The following UBE2E1 variants were observed in gnomAD, a reference collection of about 807,000 sequenced individuals.
The protein encoded by UBE2E1 is ubiquitin-conjugating enzyme E2 E1.
Under a neutral mutation model 21.4 loss-of-function variants are expected in UBE2E1, and 6 were observed. The ratio of observed to expected loss-of-function variants is 0.28; its 90% CI spans 0.15 to 0.55. The LOEUF is 0.55. UBE2E1 is among the 20% of genes least tolerant of loss of function. UBE2E1 has a pLI of 0.93. For synonymous variants in UBE2E1, 87 were observed against 82.7 expected (o/e 1.05, Z -0.28); for missense variants, 142 against 236.5 (o/e 0.60, Z 2.62).
At chr3:23,846,189 A>T (rs1700198771) in intron 3 of UBE2E1, among the ~76,000 whole-genome samples, 1 of 152,270 alleles carries the variant, frequency 6.6e-6, no homozygotes, top group Non-Finnish European at 1.5e-5. Flanking sequence ...AATTAAATAA[A>T]TGTCTTACAT....
chr3:23,864,253 C>A, intron 3 of UBE2E1, among the ~76,000 whole-genome samples: 1 of 149,908 alleles, frequency 6.7e-6, no homozygotes, highest in East Asian at 1.9e-4. Context: ...TTACACATTA[C>A]TTTTTTTTTT....
At chr3:23,868,677 A>C (rs1306215963) in intron 3 of UBE2E1, among the ~76,000 whole-genome samples, 1 of 149,014 alleles carries the variant, frequency 6.7e-6, no homozygotes, top group Non-Finnish European at 1.5e-5. Context: ...TTCTACCTTT[A>C]TTTTGTCCTT....
At chr3:23,861,300 T>C (rs919828836) in intron 3 of UBE2E1, among the ~76,000 whole-genome samples, 7 of 152,246 alleles carry the variant, frequency 4.6e-5, no homozygotes, top group African/African-American at 1.7e-4. Context: ...GCTTCACTTA[T>C]TGAAGGCTCT....
intron 3 of UBE2E1, among the ~76,000 whole-genome samples, chr3:23,850,008 A>G (rs146166140): frequency 2.6e-5 from 4 of 152,354 alleles, no homozygotes; most frequent in African/African-American, 9.6e-5. Context: ...TCTAATAGCA[A>G]TGATGTTGAA....
chr3:23,867,207 T>C (rs1016470757), intron 3 of UBE2E1, among the ~76,000 whole-genome samples: 2 of 152,194 alleles, frequency 1.3e-5, no homozygotes, highest in Non-Finnish European at 2.9e-5. Context: ...GATTCAAAGA[T>C]TCTAGGCAAA....
At chr3:23,819,990 T>C (rs1239569512) in intron 3 of UBE2E1, among the ~76,000 whole-genome samples, 1 of 152,230 alleles carries the variant, frequency 6.6e-6, no homozygotes, top group African/African-American at 2.4e-5. Flanking sequence ...GGTAACCTTA[T>C]TATAAAGTTA....
At chr3:23,874,395 AT>A (rs973974396) in intron 3 of UBE2E1, among the ~76,000 whole-genome samples, 42 of 152,318 alleles carry the variant, frequency 2.8e-4, no homozygotes, top group Admixed American at 5.2e-4. Flanking sequence ...ACTCTCACTT[AT>A]GCACAATATA....
rs1022081449 is a variant in UBE2E1 at position 23,810,358 on chromosome 3, G to T, written c.153-1102G>T. ...CAAAGGCCAGGGCTTGGTGTGAACT[G>T]CCTGGTGGCTTCGGCCTATGAGTGG... On this transcript the variant is annotated intron_variant, in intron 2 of 5. Transcript: ENST00000306627. This position sits in a 1 kb window ranked among gnomAD's most constrained non-coding sequence, Gnocchi z 5.8. 7.1e-7 allele frequency: 1 copy of T among 1,406,798 alleles called. No individual in the cohort carries two copies. The highest frequency in any genetic ancestry group is 2.5e-5 in the East Asian group (1 of 39,838). 87.1% of individuals were successfully genotyped at this position (1,406,798 alleles called of 1,614,324 possible). A position where few individuals can be genotyped will look rare whatever the true frequency, so the allele number is the denominator to read the frequency against.
chr3:23,818,879 TC>T (rs1225106290), intron 3 of UBE2E1, among the ~76,000 whole-genome samples: 1 of 152,072 alleles, frequency 6.6e-6, no homozygotes, highest in Non-Finnish European at 1.5e-5. Context: ...GTTGCAAAAG[TC>T]CCTAGAGGGA....
chr3:23,832,158 T>C (rs1168878164), intron 3 of UBE2E1, among the ~76,000 whole-genome samples: 2 of 152,244 alleles, frequency 1.3e-5, no homozygotes, highest in Non-Finnish European at 2.9e-5. Context: ...CTCAAACTTT[T>C]GCTGTGAATG....
intron 3 of UBE2E1, among the ~76,000 whole-genome samples, chr3:23,860,631 A>G (rs1026067823): frequency 3.9e-5 from 6 of 152,220 alleles, no homozygotes; most frequent in African/African-American, 1.4e-4. Flanking sequence ...CAACCAACGT[A>G]TCAAGTGAAC....
At chr3:23,807,602 A>G (rs916877592) in intron 2 of UBE2E1, 181 bp downstream of exon 2, 24 of 672,024 alleles carry the variant, frequency 3.6e-5, no homozygotes, top group Non-Finnish European at 5.1e-5. Flanking sequence ...TTTTTAAATC[A>G]TTGCTCACAT....
chr3:23,852,921 T>TG lies in UBE2E1; in HGVS notation c.204-34646_204-34645insG, dbSNP rs113479403. Among the ~76,000 whole-genome samples the TG allele has an allele frequency of 6.0e-3, 918 of 152,072 alleles. 19 individuals are homozygous for TG. The highest frequency in any genetic ancestry group is 0.052 in the East Asian group (270 of 5,164). On this transcript the variant is annotated intron_variant, in intron 3 of 5. Transcript: ENST00000306627. ...TGCCCAGCCTTATTTTGTTTTGTTT[T>TG]TTTTTTTGTTTTGAGATGGAGTTTC...
chr3:23,824,788 G>A (rs1559477791), intron 3 of UBE2E1, among the ~76,000 whole-genome samples: 1 of 151,990 alleles, frequency 6.6e-6, no homozygotes, highest in African/African-American at 2.4e-5. Flanking sequence ...CTCCCATTCT[G>A]GTGTGCTTCC....
At chr3:23,858,552 T>C (rs1175095751) in intron 3 of UBE2E1, among the ~76,000 whole-genome samples, 2 of 152,170 alleles carry the variant, frequency 1.3e-5, no homozygotes, top group Admixed American at 6.5e-5. Flanking sequence ...ACTCCTGACC[T>C]CAGATGATCC....
intron 3 of UBE2E1, among the ~76,000 whole-genome samples, chr3:23,856,282 C>A (rs907132809): frequency 6.6e-6 from 1 of 152,180 alleles, no homozygotes. Flanking sequence ...CCCACCTTGG[C>A]CTCCCAAAAT....
At chr3:23,881,595 A>G (rs967387379) in intron 3 of UBE2E1, among the ~76,000 whole-genome samples, 2 of 152,228 alleles carry the variant, frequency 1.3e-5, no homozygotes, top group East Asian at 3.8e-4. Context: ...CATGTTACAC[A>G]AAACTGAGAT....
chr3:23,882,387 C>T lies in UBE2E1; in HGVS notation c.204-5180C>T, dbSNP rs1365058262. 3.9e-5 allele frequency among the ~76,000 whole-genome samples: 6 copies of T among 152,276 alleles called. No homozygotes were observed. In the East Asian group the frequency reaches 5.8e-4, roughly 15 times the overall value. On this transcript the variant is annotated intron_variant, in intron 3 of 5. Transcript: ENST00000306627. ...CAAACCTTTAGCTAGACACAGAATG[C>T]TGATTGGTACATTTACAATCCTCCA... is the stretch of plus-strand genomic sequence containing the variant.
chr3:23,824,821 A>C (rs1200852824), intron 3 of UBE2E1, among the ~76,000 whole-genome samples: 1 of 151,666 alleles, frequency 6.6e-6, no homozygotes, highest in Non-Finnish European at 1.5e-5. Context: ...TCCCTTAAGA[A>C]AAAAAAAATG....
Sources: gnomAD v4.1 joint callset for allele counts (sites outside exome capture counted in the v4.1 genomes callset) on GRCh38, gnomAD v4.1.1 for gene constraint, Gnocchi (gnomAD v3.1) non-coding constraint, MANE v1.5 for transcripts, NCBI Gene and HGNC (gene_info 2026-07-23, HGNC 2026-07-21) for gene names.